Variants in HLA-DMA observed in about 807,000 individuals in gnomAD.
The protein encoded by HLA-DMA is HLA class II histocompatibility antigen, DM alpha chain.
A neutral mutation model predicts 27.3 loss-of-function variants in HLA-DMA; 20 were observed. That is an observed-to-expected ratio of 0.73 (90% confidence interval 0.52 to 1.07). The LOEUF is 1.07. Among genes scored for constraint, HLA-DMA ranks in the 50% least tolerant of loss-of-function variants. The pLI, the probability that HLA-DMA is intolerant of heterozygous loss-of-function variation, is 0.00. For missense variants in HLA-DMA, 241 were observed against 321.7 expected (o/e 0.75, Z 1.92); for synonymous variants, 111 against 126.8 (o/e 0.88, Z 0.83).
Position 32,950,074 on chromosome 6 carries a change from C to G in HLA-DMA, c.374-185G>C. 1.6e-6 allele frequency: 1 copy of G among 636,998 alleles called. No individual in the cohort carries two copies. The highest frequency in any genetic ancestry group is 2.7e-6 in the Non-Finnish European group (1 of 371,064). The allele number at this position is 636,998 out of a possible 1,614,324, so 39.5% of individuals were successfully genotyped here. A position where few individuals can be genotyped will look rare whatever the true frequency, so the allele number is the denominator to read the frequency against. The stretch of plus-strand genomic sequence containing the variant: ...GTCTTCTTCCAGGCAAGGACTGCAG[C>G]TAGACATAGAAGCAGAGCCAGATCC... On this transcript the variant is annotated intron_variant, in intron 2 of 4. Transcript: ENST00000374843. This position sits in a 1 kb window ranked among gnomAD's most constrained non-coding sequence, Gnocchi z 5.0.
At chr6:32,948,952 C>A in intron 4 of HLA-DMA, 84 bp from the exon 5 acceptor site, 1 of 1,481,708 alleles carries the variant, frequency 6.7e-7, no homozygotes, top group Non-Finnish European at 9.3e-7. Flanking sequence ...CCCACAAAGG[C>A]CTTGCTCGCC....
Position 32,949,738 on chromosome 6 carries a change from A to C in HLA-DMA, c.525T>G (p.Phe175Leu), listed in dbSNP as rs1320631441. ...AGCTGAGTCCATCGACAGCTGAGAC[A>C]AAAGTAGGCCCAAATCCTTCCACAG... ...SVPVEGFGPT[F>L]VSAVDGLSFQ... Residue 175 changes from phenylalanine (F) to leucine (L), a missense_variant, in exon 3 of 5, where the codon TTT becomes TTG. Transcript: ENST00000374843. The surrounding 1 kb of genome is among the most constrained non-coding windows in gnomAD (Gnocchi z 5.8). 1.9e-6 allele frequency: 3 copies of C among 1,612,990 alleles called. No homozygotes were observed. The highest frequency in any genetic ancestry group is 2.5e-6 in the Non-Finnish European group (3 of 1,180,046).
chr6:32,952,467 A>G (rs559939745), intron 1 of HLA-DMA: 188 of 468,196 alleles, frequency 4.0e-4, no homozygotes, highest in Admixed American at 3.4e-3. Context: ...GAAACCTTTA[A>G]CCCAATACCC....
chr6:32,952,252 T>C (rs1315693781), intron 1 of HLA-DMA: 1 of 461,056 alleles, frequency 2.2e-6, no homozygotes, highest in Non-Finnish European at 4.5e-6. Context: ...TGCCTCCCAC[T>C]ATCCCCAGAC....
At chr6:32,952,184 C>A (rs576406526) in intron 1 of HLA-DMA, 1 of 387,700 alleles carries the variant, frequency 2.6e-6, no homozygotes, top group South Asian at 2.0e-5. Context: ...ATGGGTTTCT[C>A]ACTCTTAGAA....
intron 1 of HLA-DMA, among the ~76,000 whole-genome samples, chr6:32,951,924 G>A (rs1189618850): frequency 4.0e-5 from 6 of 151,890 alleles, no homozygotes; most frequent in Non-Finnish European, 5.9e-5. Context: ...GCGAGATGCC[G>A]TGTCAAAAAA....
In HLA-DMA at chr6:32,950,383, G is replaced by A; in HGVS notation, c.373+136C>T. 9.1e-6 allele frequency: 10 copies of A among 1,099,644 alleles called. No individual in the cohort carries two copies. Among genetic ancestry groups the A allele is most frequent in the East Asian group, 2.4e-5 (1 of 42,282 alleles). 68.1% of individuals were successfully genotyped at this position (1,099,644 alleles called of 1,614,324 possible). ...AGAACACAGGGTGCAGACCAAGGCT[G>A]GTGGAAAAATTAAGGTGATGAAGAG... On this transcript the variant is annotated intron_variant, in intron 2 of 4. Coordinates refer to ENST00000374843, the MANE Select transcript of HLA-DMA (RefSeq NM_006120.4). The surrounding 1 kb of genome is among the most constrained non-coding windows in gnomAD (Gnocchi z 5.0).
rs140886340 is a variant in HLA-DMA at position 32,949,443 on chromosome 6, C to A, written c.653-44G>T. The A allele has an allele frequency of 6.2e-7, 1 of 1,611,268 alleles. No homozygotes were observed. Among genetic ancestry groups the A allele is most frequent in the Non-Finnish European group, 8.5e-7 (1 of 1,178,280 alleles). ...TCAGCCTGGGGACCTAGTTAGGGAG[C>A]CTCCCACCCAGGGAAATGACGTGGG... On this transcript the variant is annotated intron_variant, in intron 3 of 4. Coordinates refer to ENST00000374843, the MANE Select transcript of HLA-DMA (RefSeq NM_006120.4). This position sits in a 1 kb window ranked among gnomAD's most constrained non-coding sequence, Gnocchi z 5.8.
In HLA-DMA at chr6:32,950,462, A is replaced by G. The variant is rs757572996; in HGVS notation, c.373+57T>C. On this transcript the variant is annotated intron_variant, in intron 2 of 4. Transcript: ENST00000374843. The surrounding 1 kb of genome is among the most constrained non-coding windows in gnomAD (Gnocchi z 5.0). ...GGTATCAAGGGGAATTATTCAGTGTACAGATCAATGAGGTTAATGCAGCCC... is the reference window on the plus strand; with the variant it reads ...GGTATCAAGGGGAATTATTCAGTGTGCAGATCAATGAGGTTAATGCAGCCC... 6.4e-7 allele frequency: 1 copy of G among 1,565,930 alleles called. No homozygotes were observed. The highest frequency in any genetic ancestry group is 2.2e-5 in the East Asian group (1 of 44,644).
Position 32,950,720 on chromosome 6 carries a change from C to A in HLA-DMA, c.172G>T (p.Gly58Ter), listed in dbSNP as rs1396458111. The change falls in exon 2 of 5, where the codon GGA (glycine) becomes TGA (stop). Residue 58 changes from glycine (G) to a stop codon, truncating the protein, a stop_gained. Coordinates refer to ENST00000374843, the MANE Select transcript of HLA-DMA (RefSeq NM_006120.4). LOFTEE classifies it high-confidence loss of function. This position sits in a 1 kb window ranked among gnomAD's most constrained non-coding sequence, Gnocchi z 5.0. ...VYCQDGSPSV[G>*]LSEAYDEDQL... ...TCCTCGTCGTAGGCCTCAGAGAGTC[C>A]CACACTGGGACTCCCATCCTGGCAG... The A allele has an allele frequency of 6.2e-7, 1 of 1,613,012 alleles. No homozygotes were observed. The highest frequency in any genetic ancestry group is 1.7e-5 in the Admixed American group (1 of 60,032).
chr6:32,953,053 G>A lies in HLA-DMA; in HGVS notation c.-17C>T. 6.2e-7 allele frequency: 1 copy of A among 1,603,550 alleles called. No individual in the cohort carries two copies. Among genetic ancestry groups the A allele is most frequent in the Non-Finnish European group, 8.5e-7 (1 of 1,173,154 alleles). On this transcript the variant is annotated 5_prime_UTR_variant, in exon 1 of 5. Transcript: ENST00000374843. The stretch of plus-strand genomic sequence containing the variant: ...ATGACCCATACCTTCTTGCCACACA[G>A]TAGGTAGGAGCTACCAACCCAGCCA...
chr6:32,952,026 T>C (rs1409615577), intron 1 of HLA-DMA, among the ~76,000 whole-genome samples: 1 of 152,224 alleles, frequency 6.6e-6, no homozygotes, highest in African/African-American at 2.4e-5. Flanking sequence ...GTTTGGGGGC[T>C]GCACAAAGAC....
In HLA-DMA at chr6:32,949,231, T is replaced by C; in HGVS notation, c.781+40A>G. On this transcript the variant is annotated intron_variant, in intron 4 of 4. Transcript: ENST00000374843. The surrounding 1 kb of genome is among the most constrained non-coding windows in gnomAD (Gnocchi z 5.8). ...ACATGCACGCATGCACCACTGTATC[T>C]GGCTCCCACAGGCTCACCCGCCCCC... The C allele has an allele frequency of 6.2e-7, 1 of 1,613,546 alleles. No homozygotes were observed. Among genetic ancestry groups the C allele is most frequent in the Non-Finnish European group, 8.5e-7 (1 of 1,179,604 alleles).
chr6:32,949,443 C>T lies in HLA-DMA; in HGVS notation c.653-44G>A. ...TCAGCCTGGGGACCTAGTTAGGGAG[C>T]CTCCCACCCAGGGAAATGACGTGGG... On this transcript the variant is annotated intron_variant, in intron 3 of 4. Coordinates refer to ENST00000374843, the MANE Select transcript of HLA-DMA (RefSeq NM_006120.4). This position sits in a 1 kb window ranked among gnomAD's most constrained non-coding sequence, Gnocchi z 5.8. 6.2e-7 allele frequency: 1 copy of T among 1,611,268 alleles called. No homozygotes were observed. Among genetic ancestry groups the T allele is most frequent in the Non-Finnish European group, 8.5e-7 (1 of 1,178,280 alleles).
intron 1 of HLA-DMA, among the ~76,000 whole-genome samples, chr6:32,951,029 G>A (rs939861040): frequency 3.9e-5 from 6 of 152,150 alleles, no homozygotes; most frequent in Admixed American, 2.6e-4. Flanking sequence ...GTTGGCATGC[G>A]CCTGTAGCTA....
chr6:32,950,480 T>G lies in HLA-DMA; in HGVS notation c.373+39A>C. 6.2e-7 allele frequency: 1 copy of G among 1,606,970 alleles called. No individual in the cohort carries two copies. The highest frequency in any genetic ancestry group is 8.5e-7 in the Non-Finnish European group (1 of 1,175,226). ...TCAGTGTACAGATCAATGAGGTTAA[T>G]GCAGCCCTCCTCCCTTCACTCCCCA... is the stretch of plus-strand genomic sequence containing the variant. On this transcript the variant is annotated intron_variant, in intron 2 of 4. Coordinates refer to ENST00000374843, the MANE Select transcript of HLA-DMA (RefSeq NM_006120.4). The surrounding 1 kb of genome is among the most constrained non-coding windows in gnomAD (Gnocchi z 5.0).
At chr6:32,952,898 T>A (rs1485499484) in intron 1 of HLA-DMA, 51 bp downstream of exon 1, 1 of 1,417,570 alleles carries the variant, frequency 7.1e-7, no homozygotes, top group South Asian at 1.2e-5. Context: ...CTCACAAAGC[T>A]GAGTGGGCTC....
chr6:32,950,188 C>T lies in HLA-DMA; in HGVS notation c.374-299G>A. 1 of 593,194 alleles carries T rather than the reference C, an allele frequency of 1.7e-6. No individual in the cohort carries two copies. The highest frequency in any genetic ancestry group is 2.1e-5 in the South Asian group (1 of 47,464). 36.7% of individuals were successfully genotyped at this position (593,194 alleles called of 1,614,324 possible). A position where few individuals can be genotyped will look rare whatever the true frequency, so the allele number is the denominator to read the frequency against. On this transcript the variant is annotated intron_variant, in intron 2 of 4. Coordinates refer to ENST00000374843, the MANE Select transcript of HLA-DMA (RefSeq NM_006120.4). This position sits in a 1 kb window ranked among gnomAD's most constrained non-coding sequence, Gnocchi z 5.0. ...TGTCTAACCATGCACTGTCTTCTCA[C>T]TAAGACATAGTCACGTCATCAGATA...
At position 32,948,945 on chromosome 6, in the gene HLA-DMA, A is replaced by C. The variant is rs1776768487; in HGVS notation, c.782-77T>G. 4 of 1,549,914 alleles carry C rather than the reference A, an allele frequency of 2.6e-6. No homozygotes were observed. In the Admixed American group the frequency reaches 7.0e-5, roughly 27 times the overall value. On this transcript the variant is annotated intron_variant, in intron 4 of 4. Transcript: ENST00000374843. ...CTCCTTCTCCTCCTCCTCCTCCCCCACAAAGGCCTTGCTCGCCCTGCCTGC... is the reference window on the plus strand; with the variant it reads ...CTCCTTCTCCTCCTCCTCCTCCCCCCCAAAGGCCTTGCTCGCCCTGCCTGC...
Sources: gnomAD v4.1 joint callset for allele counts (sites outside exome capture counted in the v4.1 genomes callset) on GRCh38, gnomAD v4.1.1 for gene constraint, Gnocchi (gnomAD v3.1) non-coding constraint, MANE v1.5 for transcripts, NCBI Gene and HGNC (gene_info 2026-07-23, HGNC 2026-07-21) for gene names.